FGF2: variants seen among roughly 807,000 people sequenced by gnomAD.
FGF2 encodes basic fibroblast growth factor bFGF.
Under a neutral mutation model 15.9 loss-of-function variants are expected in FGF2, and 13 were observed. The ratio of observed to expected loss-of-function variants is 0.82; its 90% confidence interval spans 0.53 to 1.30. The LOEUF is 1.30. FGF2 is among the 50% of genes most tolerant of loss of function. The pLI is 0.00. For missense variants in FGF2, 163 were observed against 196.9 expected, an observed-to-expected ratio of 0.83 and a Z score of 1.03; for synonymous variants, 90 against 78.4, an observed-to-expected ratio of 1.15 and a Z score of -0.78.
At chr4:122,856,506 T>A (rs1272078735) in intron 1 of FGF2, among the ~76,000 whole-genome samples, 1 of 152,230 alleles carries the variant, frequency 6.6e-6, no homozygotes, top group African/African-American at 2.4e-5. Context: ...AGGAATCTTA[T>A]TTATATTGCT....
At position 122,892,066 on chromosome 4, in the gene FGF2, C is replaced by T. The variant is rs189067128; in HGVS notation, c.283-145C>T. Reference sequence around the variant, plus strand: ...TGTGTCACATTTTGGCCCATTGAATCTTGTTAGTTTGATTGCCCTGCTGAA... The same window carrying T: ...TGTGTCACATTTTGGCCCATTGAATTTTGTTAGTTTGATTGCCCTGCTGAA... On this transcript the variant is annotated intron_variant, in intron 2 of 2. Transcript: ENST00000644866. 220 of 725,410 alleles carry T rather than the reference C, an allele frequency of 3.0e-4. 1 individual carries two copies. Among genetic ancestry groups the T allele is most frequent in the Non-Finnish European group, 4.5e-4 (193 of 429,310 alleles). The allele number at this position is 725,410 out of a possible 1,614,324, so 44.9% of individuals were successfully genotyped here. A position where few individuals can be genotyped will look rare whatever the true frequency, so the allele number is the denominator to read the frequency against.
At chr4:122,868,344 C>G (rs1008641744) in intron 1 of FGF2, among the ~76,000 whole-genome samples, 16 of 152,102 alleles carry the variant, frequency 1.1e-4, no homozygotes, top group African/African-American at 3.9e-4. Flanking sequence ...TTGTTCAACT[C>G]CCACTTACGA....
intron 1 of FGF2, among the ~76,000 whole-genome samples, chr4:122,875,263 T>A (rs963802172): frequency 1.3e-5 from 2 of 152,110 alleles, no homozygotes; most frequent in African/African-American, 4.8e-5. Context: ...TTTTTTTGTT[T>A]TTCTGTAATC....
intron 1 of FGF2, among the ~76,000 whole-genome samples, chr4:122,858,177 T>G (rs764017646): frequency 6.6e-6 from 1 of 152,180 alleles, no homozygotes; most frequent in Non-Finnish European, 1.5e-5. Flanking sequence ...AGTTGAATTG[T>G]GAAGAGAATG....
chr4:122,861,608 T>C (rs45515294), intron 1 of FGF2, among the ~76,000 whole-genome samples: 1 of 151,542 alleles, frequency 6.6e-6, no homozygotes, highest in Admixed American at 6.6e-5. Context: ...CCACAGTTGG[T>C]GCTTCCTTGG....
At chr4:122,847,023 C>T (rs970523040) in intron 1 of FGF2, among the ~76,000 whole-genome samples, 3 of 152,238 alleles carry the variant, frequency 2.0e-5, no homozygotes, top group Admixed American at 6.5e-5. Context: ...ACTCATTCAT[C>T]TGCCCCTTGG....
rs376730621 is a variant in FGF2, at chr4:122,868,691, G to A, written c.179-7630G>A. On this transcript the variant is annotated intron_variant, in intron 1 of 2. Transcript: ENST00000644866. ...TCTGGTTCTAGATCCTTGAATTGCC[G>A]CACTGTCTTCAACAATGGTTGAACT... is the stretch of plus-strand genomic sequence containing the variant. 7.2e-4 allele frequency among the ~76,000 whole-genome samples: 110 copies of A among 152,128 alleles called. 1 individual carries two copies. Among genetic ancestry groups the A allele is most frequent in the African/African-American group, 2.4e-3 (99 of 41,516 alleles).
intron 1 of FGF2, among the ~76,000 whole-genome samples, chr4:122,871,529 G>A (rs764506621): frequency 2.0e-5 from 3 of 151,834 alleles, no homozygotes; most frequent in East Asian, 1.9e-4. Context: ...CCTATTACCC[G>A]TGCCACCCAA....
chr4:122,839,713 C>T (rs2150765330), intron 1 of FGF2, among the ~76,000 whole-genome samples: 1 of 152,290 alleles, frequency 6.6e-6, no homozygotes, highest in East Asian at 1.9e-4. Context: ...GCAGCACATT[C>T]ACACTTGTGC....
chr4:122,888,407 A>C (rs917086161), intron 2 of FGF2, among the ~76,000 whole-genome samples: 45 of 152,306 alleles, frequency 3.0e-4, no homozygotes, highest in African/African-American at 1.0e-3. Context: ...TCCTACAAAA[A>C]GATGTCAGAT....
chr4:122,896,324 C>A lies in FGF2; in HGVS notation c.*3928C>A, dbSNP rs1322209019. ...CTTCAATTACATCTACAAGTAAGTACAGCTGAAATTCAGAGGACCCATAAG... is the reference window on the plus strand; with the variant it reads ...CTTCAATTACATCTACAAGTAAGTAAAGCTGAAATTCAGAGGACCCATAAG... On this transcript the variant is annotated 3_prime_UTR_variant, in exon 3 of 3. Coordinates refer to ENST00000644866, the MANE Select transcript of FGF2 (RefSeq NM_001361665.2). 6.6e-6 allele frequency: 1 copy of A among 152,440 alleles called. No homozygotes were observed. Among genetic ancestry groups the A allele is most frequent in the Non-Finnish European group, 1.5e-5 (1 of 68,014 alleles). The allele number at this position is 152,440 out of a possible 1,614,324, so 9.4% of individuals were successfully genotyped here.
intron 2 of FGF2, chr4:122,890,167 A>G (rs572726581): frequency 2.6e-5 from 4 of 152,320 alleles, no homozygotes; most frequent in Admixed American, 2.0e-4. Flanking sequence ...GGTTAACTTC[A>G]GTTCACACGA....
At chr4:122,868,957 A>G (rs911360396) in intron 1 of FGF2, among the ~76,000 whole-genome samples, 2 of 151,970 alleles carry the variant, frequency 1.3e-5, no homozygotes, top group Non-Finnish European at 2.9e-5. Context: ...CCACTTTTTG[A>G]TGAGGTTGTT....
chr4:122,826,753 A>G, upstream of FGF2: 3 of 1,291,378 alleles, frequency 2.3e-6, no homozygotes, highest in Non-Finnish European at 3.0e-6. Context: ...CGCAGGAGGG[A>G]GGAGAACTGG....
chr4:122,861,411 A>G (rs936869955), intron 1 of FGF2, among the ~76,000 whole-genome samples: 7 of 152,076 alleles, frequency 4.6e-5, no homozygotes, highest in African/African-American at 1.7e-4. Flanking sequence ...TGCTGCTCCA[A>G]CCACCTCCAA....
At chr4:122,856,519 G>C (rs1726344359) in intron 1 of FGF2, among the ~76,000 whole-genome samples, 1 of 152,124 alleles carries the variant, frequency 6.6e-6, no homozygotes, top group African/African-American at 2.4e-5. Context: ...ATATTGCTTA[G>C]CTTCTTTCTC....
At chr4:122,854,597 G>A (rs1356308414) in intron 1 of FGF2, among the ~76,000 whole-genome samples, 1 of 152,286 alleles carries the variant, frequency 6.6e-6, no homozygotes, top group African/African-American at 2.4e-5. Context: ...TCTTACTGAA[G>A]ACTTTCAGGC....
intron 1 of FGF2, among the ~76,000 whole-genome samples, chr4:122,864,982 T>C (rs970065519): frequency 4.6e-5 from 7 of 152,178 alleles, no homozygotes; most frequent in Non-Finnish European, 7.3e-5. Flanking sequence ...AAGTAAAATA[T>C]CATTTTTATC....
chr4:122,865,751 G>A (rs534348834), intron 1 of FGF2, among the ~76,000 whole-genome samples: 165 of 152,272 alleles, frequency 1.1e-3, no homozygotes, highest in Non-Finnish European at 1.9e-3. Context: ...TCTTGGGAAC[G>A]TTCTATGTGC....
Sources: allele counts gnomAD v4.1 joint callset (sites outside exome capture counted in the v4.1 genomes callset), GRCh38; gene constraint gnomAD v4.1.1; transcripts MANE v1.5; gene names NCBI Gene and HGNC (gene_info 2026-07-23, HGNC 2026-07-21).